ROR2: variants seen among roughly 807,000 people sequenced by gnomAD.
ROR2 encodes tyrosine-protein kinase transmembrane receptor ROR2.
In ROR2, 33 loss-of-function variants were observed where a neutral mutation model predicts 74.9. The observed-to-expected ratio is 0.44, with a 90% CI of 0.33 to 0.59. The LOEUF is 0.59. Among genes scored for constraint, ROR2 ranks in the 20% least tolerant of loss-of-function variants. The pLI is 0.02. For missense variants in ROR2, 1,216 were observed against 1,313.8 expected, an observed-to-expected ratio of 0.93 and a Z score of 1.15; for synonymous variants, 586 against 558.7, an observed-to-expected ratio of 1.05 and a Z score of -0.69.
chr9:91,734,809 C>A (rs574825631), intron 5 of ROR2, among the ~76,000 whole-genome samples: 1 of 152,320 alleles, frequency 6.6e-6, no homozygotes, highest in South Asian at 2.1e-4. Flanking sequence ...TGGGCGGGAG[C>A]AGCCACGCTG....
chr9:91,734,365 T>C (rs1824949390), intron 5 of ROR2, among the ~76,000 whole-genome samples: 1 of 152,216 alleles, frequency 6.6e-6, no homozygotes, highest in Admixed American at 6.5e-5. Context: ...GCAGAGGCTG[T>C]GTCCTCCAGC....
intron 1 of ROR2, among the ~76,000 whole-genome samples, chr9:91,863,752 G>C (rs185347431): frequency 7.9e-5 from 12 of 152,166 alleles, no homozygotes; most frequent in Non-Finnish European, 1.8e-4. Flanking sequence ...GGCCTGGGGG[G>C]AGATAGGAGA....
At chr9:91,805,129 A>G (rs971039117) in intron 1 of ROR2, among the ~76,000 whole-genome samples, 1 of 152,236 alleles carries the variant, frequency 6.6e-6, no homozygotes, top group Admixed American at 6.5e-5. Context: ...GAGGCCCCTC[A>G]GAAGCCCTGT....
Position 91,933,494 on chromosome 9 carries a change from A to C in ROR2, c.97+16373T>G, listed in dbSNP as rs548648745. 2.0e-4 allele frequency among the ~76,000 whole-genome samples: 31 copies of C among 152,358 alleles called. 1 individual carries two copies. The South Asian group carries it at 6.4e-3, about 32-fold the overall frequency. On this transcript the variant is annotated intron_variant, in intron 1 of 8. Transcript: ENST00000375708. The stretch of plus-strand genomic sequence containing the variant: ...AAATAAATTCCAAATGAGAGCTATC[A>C]GCAAATTGTTTTAATGACAGATACT...
At chr9:91,826,818 ATG>A (rs1348681068) in intron 1 of ROR2, among the ~76,000 whole-genome samples, 1 of 151,698 alleles carries the variant, frequency 6.6e-6, no homozygotes, top group Non-Finnish European at 1.5e-5. Flanking sequence ...AGAAAAAAGA[ATG>A]TGATCTTTTG....
chr9:91,731,263 T>C, intron 6 of ROR2, 108 bp from the exon 7 acceptor site: 1 of 1,518,406 alleles, frequency 6.6e-7, no homozygotes, highest in Non-Finnish European at 9.0e-7. Flanking sequence ...TTACATAACT[T>C]ACCAGAAAAG....
At chr9:91,908,487 A>T (rs558382324) in intron 1 of ROR2, among the ~76,000 whole-genome samples, 21 of 151,924 alleles carry the variant, frequency 1.4e-4, no homozygotes, top group Non-Finnish European at 2.6e-4. Context: ...GGCTCTAAGG[A>T]CCTTATAACC....
chr9:91,763,493 T>G (rs1825974235), intron 2 of ROR2, among the ~76,000 whole-genome samples: 1 of 152,232 alleles, frequency 6.6e-6, no homozygotes, highest in South Asian at 2.1e-4. Context: ...GTTTGGGTGC[T>G]TTAAAATATT....
At chr9:91,848,755 A>AG (rs1554682823) in intron 1 of ROR2, among the ~76,000 whole-genome samples, 2 of 116,456 alleles carry the variant, frequency 1.7e-5, no homozygotes, top group African/African-American at 7.3e-5. Context: ...ACTCCGTCTC[A>AG]GGGGGGAAGA....
At chr9:91,805,134 C>T (rs549806444) in intron 1 of ROR2, among the ~76,000 whole-genome samples, 1 of 152,226 alleles carries the variant, frequency 6.6e-6, no homozygotes, top group Non-Finnish European at 1.5e-5. Context: ...CCCTCAGAAG[C>T]CCTGTCTGCC....
intron 1 of ROR2, among the ~76,000 whole-genome samples, chr9:91,896,695 T>C (rs556905787): frequency 1.6e-4 from 24 of 152,344 alleles, no homozygotes; most frequent in African/African-American, 5.8e-4. Flanking sequence ...TTCACATGTA[T>C]GTTGTAATCC....
intron 1 of ROR2, among the ~76,000 whole-genome samples, chr9:91,876,912 C>G (rs544150322): frequency 2.0e-5 from 3 of 152,076 alleles, no homozygotes; most frequent in Non-Finnish European, 4.4e-5. Flanking sequence ...CCAAGCTGAA[C>G]GACTCAAGTG....
At chr9:91,838,331 G>A (rs1294032112) in intron 1 of ROR2, among the ~76,000 whole-genome samples, 3 of 152,150 alleles carry the variant, frequency 2.0e-5, no homozygotes, top group Non-Finnish European at 2.9e-5. Flanking sequence ...CCCGAGAGCT[G>A]GGACCAGGGC....
At chr9:91,929,604 T>G (rs966142358) in intron 1 of ROR2, among the ~76,000 whole-genome samples, 2 of 152,088 alleles carry the variant, frequency 1.3e-5, no homozygotes, top group African/African-American at 2.4e-5. Context: ...TCTTTTCAAT[T>G]CAACTTATGA....
At chr9:91,901,921 G>T (rs73519176) in intron 1 of ROR2, among the ~76,000 whole-genome samples, 21,347 of 151,968 alleles carry the variant, frequency 0.14, 3,312 homozygotes, top group African/African-American at 0.39. Flanking sequence ...AGGTGTAGGT[G>T]GGGGGGCCTA....
chr9:91,755,792 C>A (rs1051930938), intron 4 of ROR2: 1 of 551,242 alleles, frequency 1.8e-6, no homozygotes, highest in Non-Finnish European at 3.3e-6. Context: ...GGCAACCTGG[C>A]CTGTATATTT....
At chr9:91,860,593 A>G (rs57944742) in intron 1 of ROR2, among the ~76,000 whole-genome samples, 13,176 of 152,264 alleles carry the variant, frequency 0.087, 718 homozygotes, top group African/African-American at 0.15. Context: ...GCCGGGGCAC[A>G]GCTCAATTCA....
chr9:91,857,380 G>A (rs1252607675), intron 1 of ROR2, among the ~76,000 whole-genome samples: 1 of 152,194 alleles, frequency 6.6e-6, no homozygotes, highest in Non-Finnish European at 1.5e-5. Context: ...TTGGAGCAAG[G>A]GCTTTGTGAC....
intron 4 of ROR2, among the ~76,000 whole-genome samples, chr9:91,740,232 C>T (rs1420399619): frequency 2.0e-5 from 3 of 152,162 alleles, no homozygotes; most frequent in East Asian, 1.9e-4. Context: ...CTTCCCTCAC[C>T]GAAGCGGGCT....
Sources: gnomAD v4.1 joint callset for allele counts (sites outside exome capture counted in the v4.1 genomes callset) on GRCh38, gnomAD v4.1.1 for gene constraint, MANE v1.5 for transcripts, NCBI Gene and HGNC (gene_info 2026-07-23, HGNC 2026-07-21) for gene names.